The following PTPRD variants were observed in gnomAD, a reference collection of about 807,000 sequenced individuals.
PTPRD encodes receptor-type tyrosine-protein phosphatase delta.
Under a neutral mutation model 214.5 loss-of-function variants are expected in PTPRD, and 34 were observed. The observed-to-expected ratio is 0.16, with a 90% CI of 0.12 to 0.21. The LOEUF is 0.21. PTPRD is among the 10% of genes least tolerant of loss of function. The pLI, the probability that PTPRD is intolerant of heterozygous loss-of-function variation, is 1.00. For synonymous variants in PTPRD, 1,128 were observed against 845.7 expected, an observed-to-expected ratio of 1.33 and a Z score of -5.79; for missense variants, 2,545 against 2,398.7, an observed-to-expected ratio of 1.06 and a Z score of -1.27.
chr9:8,696,043 A>C (rs185669082), intron 12 of PTPRD, among the ~76,000 whole-genome samples: 56 of 152,346 alleles, frequency 3.7e-4, no homozygotes, highest in African/African-American at 1.3e-3. Flanking sequence ...GACACCTGAC[A>C]TAAGAGAGTA....
chr9:8,898,576 C>A (rs140734259), intron 11 of PTPRD, among the ~76,000 whole-genome samples: 2 of 152,254 alleles, frequency 1.3e-5, no homozygotes, highest in African/African-American at 4.8e-5. Flanking sequence ...CATTCAAAAA[C>A]TAAATTAAAA....
intron 37 of PTPRD, among the ~76,000 whole-genome samples, chr9:8,382,567 C>A (rs932702889): frequency 1.1e-4 from 16 of 152,146 alleles, no homozygotes; most frequent in Non-Finnish European, 1.5e-5. Context: ...AGAAAGCTAA[C>A]AAACAGCAAG....
At chr9:9,679,287 C>T (rs184798059) in intron 7 of PTPRD, among the ~76,000 whole-genome samples, 4 of 151,748 alleles carry the variant, frequency 2.6e-5, no homozygotes, top group African/African-American at 9.7e-5. Flanking sequence ...TTGCTACACA[C>T]AAAAGATGGC....
At chr9:8,354,692 G>A (rs948511083) in intron 39 of PTPRD, among the ~76,000 whole-genome samples, 35 of 152,178 alleles carry the variant, frequency 2.3e-4, no homozygotes, top group African/African-American at 7.0e-4. Context: ...TGAAGATCAC[G>A]TGGCTGTCAC....
At chr9:9,954,244 G>T (rs534054513) in intron 4 of PTPRD, among the ~76,000 whole-genome samples, 2 of 126,098 alleles carry the variant, frequency 1.6e-5, no homozygotes, top group South Asian at 2.6e-4. Context: ...AGTGAGCCAA[G>T]ACTGTGCCAC....
chr9:10,587,361 A>T (rs1451231404), intron 2 of PTPRD, among the ~76,000 whole-genome samples: 3 of 152,170 alleles, frequency 2.0e-5, no homozygotes, highest in African/African-American at 7.2e-5. Flanking sequence ...TAAAGGCTCA[A>T]TGAGAATAAT....
chr9:9,626,409 G>A (rs930962210), intron 7 of PTPRD, among the ~76,000 whole-genome samples: 1 of 152,120 alleles, frequency 6.6e-6, no homozygotes, highest in Non-Finnish European at 1.5e-5. Flanking sequence ...TAATAAATTT[G>A]TAGTAAAGAA....
intron 14 of PTPRD, among the ~76,000 whole-genome samples, chr9:8,557,708 A>G (rs2084438722): frequency 7.0e-6 from 1 of 143,334 alleles, no homozygotes; most frequent in South Asian, 2.3e-4. Flanking sequence ...ACGCTACTGC[A>G]TTCCAGCCTG....
At chr9:8,579,689 C>G (rs1380667097) in intron 14 of PTPRD, among the ~76,000 whole-genome samples, 1 of 152,130 alleles carries the variant, frequency 6.6e-6, no homozygotes, top group Non-Finnish European at 1.5e-5. Flanking sequence ...GGGTATTGAC[C>G]AGATCTGGGA....
chr9:10,026,186 T>A (rs1273073779), intron 4 of PTPRD, among the ~76,000 whole-genome samples: 1 of 152,180 alleles, frequency 6.6e-6, no homozygotes, highest in Non-Finnish European at 1.5e-5. Flanking sequence ...CCTCATACAG[T>A]TCTTTCACCA....
At chr9:9,560,194 T>G (rs1309777667) in intron 8 of PTPRD, among the ~76,000 whole-genome samples, 1 of 152,106 alleles carries the variant, frequency 6.6e-6, no homozygotes, top group East Asian at 1.9e-4. Flanking sequence ...CTTACTTACT[T>G]AACTCCCACA....
intron 2 of PTPRD, among the ~76,000 whole-genome samples, chr9:10,524,372 T>C (rs1219087889): frequency 6.6e-6 from 1 of 152,218 alleles, no homozygotes; most frequent in African/African-American, 2.4e-5. Context: ...GATAAGTTTA[T>C]TACTAGTTTT....
At chr9:8,347,471 C>T (rs997497009) in intron 39 of PTPRD, among the ~76,000 whole-genome samples, 2 of 152,056 alleles carry the variant, frequency 1.3e-5, no homozygotes, top group East Asian at 1.9e-4. Context: ...GGGAATCTGA[C>T]ATTAAATAAT....
chr9:10,270,377 A>C (rs1435373805), intron 3 of PTPRD, among the ~76,000 whole-genome samples: 2 of 152,158 alleles, frequency 1.3e-5, no homozygotes, highest in Non-Finnish European at 2.9e-5. Flanking sequence ...CAATAGTCTC[A>C]AGTTAAGAAA....
intron 4 of PTPRD, among the ~76,000 whole-genome samples, chr9:9,996,964 C>G (rs1034339196): frequency 6.6e-6 from 1 of 152,090 alleles, no homozygotes; most frequent in Non-Finnish European, 1.5e-5. Flanking sequence ...GAAGTATGGC[C>G]TGTATACAGG....
chr9:8,710,461 C>A (rs1166023943), intron 12 of PTPRD, among the ~76,000 whole-genome samples: 10 of 151,952 alleles, frequency 6.6e-5, no homozygotes, highest in Admixed American at 6.6e-4. Flanking sequence ...ACAAAAAATA[C>A]AAAAATTAGC....
chr9:10,322,168 T>A (rs549917814), intron 3 of PTPRD, among the ~76,000 whole-genome samples: 4 of 152,052 alleles, frequency 2.6e-5, no homozygotes, highest in African/African-American at 9.7e-5. Flanking sequence ...AAGACCAGCA[T>A]GTACTCTTCA....
intron 8 of PTPRD, among the ~76,000 whole-genome samples, chr9:9,570,729 T>A (rs755420065): frequency 3.7e-4 from 56 of 151,516 alleles, no homozygotes; most frequent in Non-Finnish European, 7.3e-4. Context: ...TCTAATTAGC[T>A]CTTGATTATT....
chr9:8,711,626 G>A (rs1228951803), intron 12 of PTPRD, among the ~76,000 whole-genome samples: 1 of 152,150 alleles, frequency 6.6e-6, no homozygotes, highest in East Asian at 1.9e-4. Context: ...GGACCATGTA[G>A]GGAGCTTTTA....
Sources: allele counts gnomAD v4.1 joint callset (sites outside exome capture counted in the v4.1 genomes callset), GRCh38; gene constraint gnomAD v4.1.1; transcripts MANE v1.5; gene names NCBI Gene and HGNC (gene_info 2026-07-23, HGNC 2026-07-21).